The following ATXN2 variants were observed in gnomAD, a reference collection of about 807,000 sequenced individuals.
ATXN2 encodes the protein ataxin 2.
A neutral mutation model predicts 138.6 loss-of-function variants in ATXN2; 37 were observed. The observed-to-expected ratio is 0.27, with a 90% CI of 0.21 to 0.35. The LOEUF (loss-of-function observed/expected upper bound fraction) is 0.35, where lower values mean the gene tolerates loss of function less well. Ranked by LOEUF, ATXN2 falls within the 10% of genes least tolerant of loss-of-function variation. The pLI is 1.00. For synonymous variants in ATXN2, 549 were observed against 543.7 expected (o/e 1.01, Z -0.13); for missense variants, 1,216 against 1,480.3 (o/e 0.82, Z 2.93).
intron 18 of ATXN2, among the ~76,000 whole-genome samples, chr12:111,477,773 T>G (rs1317181957): frequency 1.3e-5 from 2 of 152,140 alleles, no homozygotes; most frequent in Non-Finnish European, 2.9e-5. Flanking sequence ...TTCTTTTTTT[T>G]GTGAGACAGG....
At chr12:111,554,077 T>C in intron 3 of ATXN2, 81 bp downstream of exon 3, 1 of 945,312 alleles carries the variant, frequency 1.1e-6, no homozygotes. Flanking sequence ...ACTTTGACAA[T>C]CATTTATCCA....
At chr12:111,554,557 T>C (rs1199588201) in intron 2 of ATXN2, among the ~76,000 whole-genome samples, 2 of 152,172 alleles carry the variant, frequency 1.3e-5, no homozygotes, top group Non-Finnish European at 2.9e-5. Context: ...GAACAGAAGG[T>C]CAGGTTTTCA....
intron 1 of ATXN2, among the ~76,000 whole-genome samples, chr12:111,584,917 C>T (rs1884242607): frequency 6.6e-6 from 1 of 152,074 alleles, no homozygotes; most frequent in Non-Finnish European, 1.5e-5. Flanking sequence ...GGCCATTGCA[C>T]TCCAGCCTCG....
chr12:111,569,051 A>G (rs1566070053), intron 1 of ATXN2, among the ~76,000 whole-genome samples: 1 of 152,140 alleles, frequency 6.6e-6, no homozygotes, highest in Non-Finnish European at 1.5e-5. Context: ...GCAACTCTAA[A>G]TTCACACAGA....
intron 18 of ATXN2, among the ~76,000 whole-genome samples, chr12:111,474,985 G>A (rs899941158): frequency 2.0e-5 from 3 of 152,084 alleles, no homozygotes; most frequent in Admixed American, 6.6e-5. Flanking sequence ...AGGCCGAGGC[G>A]GGCGGATCAC....
At chr12:111,550,842 G>A (rs1223444464) in intron 5 of ATXN2, among the ~76,000 whole-genome samples, 1 of 151,982 alleles carries the variant, frequency 6.6e-6, no homozygotes, top group Non-Finnish European at 1.5e-5. Flanking sequence ...AAAGAATCCT[G>A]GTATATTATT....
intron 23 of ATXN2, chr12:111,454,707 G>A (rs959866408): frequency 4.0e-5 from 12 of 297,496 alleles, no homozygotes; most frequent in South Asian, 1.5e-4. Flanking sequence ...ATGAAATGCC[G>A]TTTTTACTCT....
intron 14 of ATXN2, among the ~76,000 whole-genome samples, chr12:111,502,898 C>G (rs1246134727): frequency 6.6e-6 from 1 of 152,148 alleles, no homozygotes; most frequent in Non-Finnish European, 1.5e-5. Flanking sequence ...AATATCTCAT[C>G]GAGCTCTCAC....
chr12:111,534,182 C>T (rs1022005290), intron 5 of ATXN2, among the ~76,000 whole-genome samples: 2 of 151,668 alleles, frequency 1.3e-5, no homozygotes, highest in Admixed American at 6.6e-5. Flanking sequence ...GGTGGACTGC[C>T]TGAGCTCAGG....
At chr12:111,573,874 T>C (rs867376221) in intron 1 of ATXN2, among the ~76,000 whole-genome samples, 4 of 151,310 alleles carry the variant, frequency 2.6e-5, no homozygotes, top group Admixed American at 6.6e-5. Context: ...TTCTTTCTTT[T>C]TTTTTTTTTT....
chr12:111,498,714 A>G (rs1878578577), intron 14 of ATXN2, among the ~76,000 whole-genome samples: 1 of 152,224 alleles, frequency 6.6e-6, no homozygotes, highest in Admixed American at 6.5e-5. Context: ...GACAAAAATA[A>G]TTCTAAAATT....
chr12:111,484,522 TC>T (rs758496252), intron 18 of ATXN2, among the ~76,000 whole-genome samples: 4 of 152,142 alleles, frequency 2.6e-5, no homozygotes, highest in Non-Finnish European at 4.4e-5. Context: ...AACCCCTGCC[TC>T]CCGGGTTCAA....
At chr12:111,475,250 A>G (rs972463559) in intron 18 of ATXN2, among the ~76,000 whole-genome samples, 2 of 149,962 alleles carry the variant, frequency 1.3e-5, no homozygotes, top group Non-Finnish European at 3.0e-5. Flanking sequence ...AGGCTGAGGC[A>G]GGAGAATTGC....
At chr12:111,511,088 C>T (rs936374757) in intron 11 of ATXN2, 6 of 152,424 alleles carry the variant, frequency 3.9e-5, no homozygotes, top group African/African-American at 1.4e-4. Flanking sequence ...AAACTTGAGA[C>T]CCAAGTTAGT....
chr12:111,467,179 G>C (rs1346749169), intron 20 of ATXN2, among the ~76,000 whole-genome samples: 1 of 151,730 alleles, frequency 6.6e-6, no homozygotes, highest in Admixed American at 6.6e-5. Context: ...GTCTTGCTCT[G>C]TCACCCAGGC....
chr12:111,485,475 C>T lies in ATXN2; in HGVS notation c.2458-144G>A, dbSNP rs1035024361. On this transcript the variant is annotated intron_variant, in intron 17 of 24. Coordinates refer to ENST00000673436, the MANE Select transcript of ATXN2 (RefSeq NM_001372574.1). The stretch of plus-strand genomic sequence containing the variant: ...TTAGTCATTAAAAAATTAGATCATA[C>T]CCACAGCTAAAAGGAACAAACCCCA... The T allele has an allele frequency of 1.0e-5, 10 of 960,818 alleles. No individual in the cohort carries two copies. The East Asian group carries it at 2.5e-4, about 24-fold the overall frequency. 59.5% of individuals were successfully genotyped at this position (960,818 alleles called of 1,614,324 possible). A position where few individuals can be genotyped will look rare whatever the true frequency, so the allele number is the denominator to read the frequency against.
At chr12:111,506,403 C>T (rs955177098) in intron 14 of ATXN2, among the ~76,000 whole-genome samples, 2 of 152,044 alleles carry the variant, frequency 1.3e-5, no homozygotes, top group African/African-American at 4.8e-5. Flanking sequence ...CTGATTTATA[C>T]ACTTTAAACG....
intron 10 of ATXN2, among the ~76,000 whole-genome samples, chr12:111,514,517 AATT>A (rs568689020): frequency 1.0e-3 from 154 of 152,176 alleles, no homozygotes; most frequent in Admixed American, 2.3e-3. Flanking sequence ...TTGCCAATAG[AATT>A]ATTATTTTAT....
intron 1 of ATXN2, among the ~76,000 whole-genome samples, chr12:111,570,106 A>G (rs1883230780): frequency 1.3e-5 from 2 of 152,320 alleles, no homozygotes; most frequent in East Asian, 1.9e-4. Context: ...GACAGTGCCC[A>G]TTCCCATCTT....
Sources: allele counts gnomAD v4.1 joint callset (sites outside exome capture counted in the v4.1 genomes callset), GRCh38; gene constraint gnomAD v4.1.1; transcripts MANE v1.5; gene names NCBI Gene and HGNC (gene_info 2026-07-23, HGNC 2026-07-21).